The following NEMP2 variants were observed in gnomAD, a reference collection of about 807,000 sequenced individuals.
The protein encoded by NEMP2 is nuclear envelope integral membrane protein 2.
NEMP2 carries 53 observed loss-of-function variants against 54.2 expected under a neutral mutation model. That is an observed-to-expected ratio of 0.98 (90% CI 0.78 to 1.23). The LOEUF (loss-of-function observed/expected upper bound fraction) is 1.23. Among genes scored for constraint, NEMP2 ranks in the 50% most tolerant of loss-of-function variants. The probability of loss-of-function intolerance (pLI) is 0.00; values close to 1 mark genes in which losing one functional copy is unlikely to be tolerated. For missense variants in NEMP2, 455 were observed against 511.3 expected (o/e 0.89, Z 1.06); for synonymous variants, 197 against 190.3 (o/e 1.04, Z -0.29).
chr2:190,454,987 TATGTATATGTATA>T, the NEMP2 span, among the ~76,000 whole-genome samples: 7,616 of 81,426 alleles, frequency 0.094, 270 homozygotes, highest in Non-Finnish European at 0.16. This position sits in a 1 kb window ranked among gnomAD's most constrained non-coding sequence, Gnocchi z 4.6. Context: ...TGTATATGTA[TATGTATATGTATA>T]ATGTATATGT....
At chr2:190,497,604 C>T in the NEMP2 span, 12 of 1,614,146 alleles carry the variant, frequency 7.4e-6, no homozygotes, top group East Asian at 2.0e-4. This position sits in a 1 kb window ranked among gnomAD's most constrained non-coding sequence, Gnocchi z 5.2. Flanking sequence ...GTGAACAAAC[C>T]AGCCTGGGGA....
Position 190,514,408 on chromosome 2 carries a change from G to C in NEMP2, c.953+45C>G. ...AACACTCTCCCAAATAATAAAACTAGAGCTCAAAATGTCAAATTTGCTGGG... is the reference window on the plus strand; with the variant it reads ...AACACTCTCCCAAATAATAAAACTACAGCTCAAAATGTCAAATTTGCTGGG... On this transcript the variant is annotated intron_variant, in intron 7 of 8. Coordinates refer to ENST00000409150, the MANE Select transcript of NEMP2 (RefSeq NM_001142645.2). The surrounding 1 kb of genome is among the most constrained non-coding windows in gnomAD (Gnocchi z 5.7). 6.8e-7 allele frequency: 1 copy of C among 1,461,632 alleles called. No individual in the cohort carries two copies. Among genetic ancestry groups the C allele is most frequent in the Middle Eastern group, 2.3e-4 (1 of 4,324 alleles). 90.5% of individuals were successfully genotyped at this position (1,461,632 alleles called of 1,614,324 possible).
chr2:190,470,713 A>G, the NEMP2 span, among the ~76,000 whole-genome samples: 2 of 152,340 alleles, frequency 1.3e-5, no homozygotes, highest in South Asian at 2.1e-4. Flanking sequence ...GGTGTAATCA[A>G]TGTGATTAAT....
the NEMP2 span, among the ~76,000 whole-genome samples, chr2:190,439,406 A>G: frequency 6.6e-6 from 1 of 152,028 alleles, no homozygotes; most frequent in Non-Finnish European, 1.5e-5. This position sits in a 1 kb window ranked among gnomAD's most constrained non-coding sequence, Gnocchi z 5.8. Flanking sequence ...TTTAGGGTAC[A>G]CGTGCACAAC....
rs1246666906 is a variant in NEMP2 at position 190,533,555 on chromosome 2, C to A, written c.97+1004G>T. ...CCAACATATAACTCACTGCAAGATT[C>A]CCTCAGTTGGGAGCTGTGGCAGAAT... On this transcript the variant is annotated intron_variant, in intron 1 of 8. Transcript: ENST00000409150. The surrounding 1 kb of genome is among the most constrained non-coding windows in gnomAD (Gnocchi z 4.3). 1.3e-5 allele frequency among the ~76,000 whole-genome samples: 2 copies of A among 152,150 alleles called. No homozygotes were observed. The highest frequency in any genetic ancestry group is 4.8e-5 in the African/African-American group (2 of 41,420).
chr2:190,452,272 C>CACA, the NEMP2 span, among the ~76,000 whole-genome samples: 8 of 151,968 alleles, frequency 5.3e-5, no homozygotes, highest in African/African-American at 9.6e-5. Context: ...ACAACAATAA[C>CACA]ACAACAACAA....
At chr2:190,474,633 A>C in the NEMP2 span, among the ~76,000 whole-genome samples, 3 of 152,354 alleles carry the variant, frequency 2.0e-5, no homozygotes, top group South Asian at 6.2e-4. Flanking sequence ...ATTCGACCAG[A>C]GGTACAAGGA....
chr2:190,448,688 A>T, the NEMP2 span, among the ~76,000 whole-genome samples: 90 of 152,252 alleles, frequency 5.9e-4, no homozygotes, highest in Admixed American at 1.3e-3. Context: ...TACACTCTAA[A>T]TTCACAGTTG....
the NEMP2 span, among the ~76,000 whole-genome samples, chr2:190,440,376 A>G: frequency 6.6e-6 from 1 of 152,206 alleles, no homozygotes; most frequent in African/African-American, 2.4e-5. Flanking sequence ...CTGGAAGGTG[A>G]CTTTCTCAGG....
the NEMP2 span, among the ~76,000 whole-genome samples, chr2:190,423,372 T>C: frequency 2.0e-5 from 3 of 152,246 alleles, no homozygotes; most frequent in Admixed American, 6.5e-5. This position sits in a 1 kb window ranked among gnomAD's most constrained non-coding sequence, Gnocchi z 4.3. Context: ...GTTATATGAA[T>C]AGAATCATAC....
chr2:190,573,884 A>G, the NEMP2 span, among the ~76,000 whole-genome samples: 7 of 152,204 alleles, frequency 4.6e-5, no homozygotes, highest in African/African-American at 1.7e-4. Context: ...AATGCCTTCC[A>G]TATGCCAGGC....
chr2:190,585,670 A>C, the NEMP2 span, among the ~76,000 whole-genome samples: 74 of 152,230 alleles, frequency 4.9e-4, no homozygotes, highest in African/African-American at 1.6e-3. The surrounding 1 kb of genome is among the most constrained non-coding windows in gnomAD (Gnocchi z 5.3). Flanking sequence ...TTTTGGTCAT[A>C]TCCTCTCTCA....
At chr2:190,474,801 G>C in the NEMP2 span, among the ~76,000 whole-genome samples, 2 of 152,292 alleles carry the variant, frequency 1.3e-5, no homozygotes, top group South Asian at 4.1e-4. Flanking sequence ...GATGAAGATA[G>C]ATGCAAAAAT....
At chr2:190,475,555 TAA>T in the NEMP2 span, among the ~76,000 whole-genome samples, 2 of 152,026 alleles carry the variant, frequency 1.3e-5, no homozygotes, top group African/African-American at 4.8e-5. Context: ...CTCAATGAAA[TAA>T]AAGAGGATAC....
the NEMP2 span, among the ~76,000 whole-genome samples, chr2:190,483,464 C>A: frequency 6.6e-6 from 1 of 152,132 alleles, no homozygotes; most frequent in East Asian, 1.9e-4. Context: ...TAGTACTGTA[C>A]CTATTGGAGG....
At chr2:190,445,796 T>G in the NEMP2 span, among the ~76,000 whole-genome samples, 2 of 135,766 alleles carry the variant, frequency 1.5e-5, no homozygotes, top group Non-Finnish European at 3.2e-5. Context: ...GAAATCAGAT[T>G]CATAACGTGG....
Position 190,518,736 on chromosome 2 carries a change from T to C in NEMP2, c.518A>G (p.Gln173Arg), listed in dbSNP as rs1690649936. The change falls in exon 4 of 9, where the codon CAA becomes CGA. Residue 173 changes from glutamine to arginine, a missense_variant and splice_region_variant. Gln to Arg is a conservative substitution (Grantham distance 43). Coordinates refer to ENST00000409150, the MANE Select transcript of NEMP2 (RefSeq NM_001142645.2). Reference sequence around the variant, plus strand: ...TAAAAATATAAAAAGGAATACTTACTGACTCAGGGTCCTTGCATAAAAGAA... The same window carrying C: ...TAAAAATATAAAAAGGAATACTTACCGACTCAGGGTCCTTGCATAAAAGAA... ...FLFFYARTLS[Q>R]SPTFYYSSGT... is the part of the protein sequence containing the mutation. 1.3e-6 allele frequency: 2 copies of C among 1,530,814 alleles called. No individual in the cohort carries two copies. Among genetic ancestry groups the C allele is most frequent in the Non-Finnish European group, 1.8e-6 (2 of 1,141,048 alleles). 94.8% of individuals were successfully genotyped at this position (1,530,814 alleles called of 1,614,324 possible). A position where few individuals can be genotyped will look rare whatever the true frequency, so the allele number is the denominator to read the frequency against.
the NEMP2 span, among the ~76,000 whole-genome samples, chr2:190,498,818 T>G: frequency 6.6e-6 from 1 of 152,206 alleles, no homozygotes. The surrounding 1 kb of genome is among the most constrained non-coding windows in gnomAD (Gnocchi z 5.9). Flanking sequence ...ATAAAATTTT[T>G]GATGTGGCGC....
chr2:190,525,096 T>C lies in NEMP2; in HGVS notation c.213+167A>G, dbSNP rs906989905. Among the ~76,000 whole-genome samples, 9 of 152,232 alleles carry C rather than the reference T, an allele frequency of 5.9e-5. No individual in the cohort carries two copies. The highest frequency in any genetic ancestry group is 2.0e-4 in the Admixed American group (3 of 15,274). ...AGGAGTTAGTGTCCTCTTCTCACAC[T>C]GCTCACCCATTGAACCACTGTGTGT... is the stretch of plus-strand genomic sequence containing the variant. On this transcript the variant is annotated intron_variant, in intron 2 of 8. Coordinates refer to ENST00000409150, the MANE Select transcript of NEMP2 (RefSeq NM_001142645.2). The surrounding 1 kb of genome is among the most constrained non-coding windows in gnomAD (Gnocchi z 5.0).
Sources: gnomAD v4.1 joint callset for allele counts (sites outside exome capture counted in the v4.1 genomes callset) on GRCh38, gnomAD v4.1.1 for gene constraint, Gnocchi (gnomAD v3.1) non-coding constraint, MANE v1.5 for transcripts, NCBI Gene and HGNC (gene_info 2026-07-23, HGNC 2026-07-21) for gene names.